SLC25A13: variants seen among roughly 807,000 people sequenced by gnomAD.
The protein encoded by SLC25A13 is solute carrier family 25 member 13.
Under a neutral mutation model 85.5 loss-of-function variants are expected in SLC25A13, and 70 were observed. The ratio of observed to expected loss-of-function variants is 0.82; its 90% confidence interval spans 0.68 to 1.00. The LOEUF (loss-of-function observed/expected upper bound fraction) is 1.00. Ranked by LOEUF, SLC25A13 falls within the 50% of genes least tolerant of loss-of-function variation. The pLI is 0.00. For missense variants in SLC25A13, 765 were observed against 819.8 expected (o/e 0.93, Z 0.82); for synonymous variants, 259 against 288.7 (o/e 0.90, Z 1.04).
intron 3 of SLC25A13, among the ~76,000 whole-genome samples, chr7:96,275,198 T>A (rs1448833339): frequency 5.9e-5 from 9 of 152,082 alleles, no homozygotes; most frequent in African/African-American, 2.2e-4. Flanking sequence ...GGTTTGTAGT[T>A]CAGTTAGAAT....
At chr7:96,294,850 A>C (rs1799288011) in intron 2 of SLC25A13, among the ~76,000 whole-genome samples, 1 of 151,966 alleles carries the variant, frequency 6.6e-6, no homozygotes, top group Non-Finnish European at 1.5e-5. Flanking sequence ...GTATAATCTA[A>C]ATCTCCTTAC....
chr7:96,184,615 G>T (rs1794552628), intron 10 of SLC25A13, 180 bp from the exon 11 acceptor site: 2 of 668,634 alleles, frequency 3.0e-6, no homozygotes, highest in Non-Finnish European at 5.1e-6. Context: ...TTTCATTCAA[G>T]TATCCCCTAA....
At chr7:96,157,046 A>T (rs536400564) in intron 13 of SLC25A13, among the ~76,000 whole-genome samples, 6 of 152,154 alleles carry the variant, frequency 3.9e-5, no homozygotes, top group Non-Finnish European at 8.8e-5. Flanking sequence ...TGGCTGCTGT[A>T]ATTTGTATCG....
Position 96,208,993 on chromosome 7 carries a change from A to G in SLC25A13, c.329-16T>C, listed in dbSNP as rs1320932355. 6.2e-7 allele frequency: 1 copy of G among 1,613,604 alleles called. No homozygotes were observed. Among genetic ancestry groups the G allele is most frequent in the Admixed American group, 1.7e-5 (1 of 60,016 alleles). Reference sequence around the variant, plus strand: ...TTAACATCCTCTGAAAAGAGAAAAGACAGGTTGATTAAAACAAAGTAAATG... The same window carrying G: ...TTAACATCCTCTGAAAAGAGAAAAGGCAGGTTGATTAAAACAAAGTAAATG... On this transcript the variant is annotated splice_polypyrimidine_tract_variant and intron_variant, in intron 4 of 17. Transcript: ENST00000265631.
At chr7:96,282,775 TTACTA>T (rs1371445811) in intron 2 of SLC25A13, among the ~76,000 whole-genome samples, 1 of 152,204 alleles carries the variant, frequency 6.6e-6, no homozygotes, top group African/African-American at 2.4e-5. Context: ...ATGTGGGTGT[TTACTA>T]TTCTATTTTC....
intron 14 of SLC25A13, among the ~76,000 whole-genome samples, chr7:96,140,270 T>C (rs1792476691): frequency 1.3e-5 from 2 of 152,108 alleles, no homozygotes; most frequent in East Asian, 1.9e-4. Flanking sequence ...ATTTCCATTC[T>C]TTTGGATGTA....
At chr7:96,228,047 A>G (rs1201605465) in intron 4 of SLC25A13, among the ~76,000 whole-genome samples, 1 of 152,112 alleles carries the variant, frequency 6.6e-6, no homozygotes, top group African/African-American at 2.4e-5. Context: ...TATTTTTACT[A>G]AAGACAGGGT....
chr7:96,281,501 A>C (rs1463645552), intron 2 of SLC25A13, among the ~76,000 whole-genome samples: 1 of 152,142 alleles, frequency 6.6e-6, no homozygotes, highest in Non-Finnish European at 1.5e-5. Flanking sequence ...AATTCCATTC[A>C]CGCAAAGTGA....
At chr7:96,147,594 T>C (rs143650116) in intron 13 of SLC25A13, among the ~76,000 whole-genome samples, 124 of 152,348 alleles carry the variant, frequency 8.1e-4, no homozygotes, top group African/African-American at 2.8e-3. Context: ...GTCACACATA[T>C]ATGAAATTTT....
At chr7:96,311,434 C>T (rs1158667367) in intron 1 of SLC25A13, among the ~76,000 whole-genome samples, 1 of 152,066 alleles carries the variant, frequency 6.6e-6, no homozygotes, top group Non-Finnish European at 1.5e-5. Context: ...AATACTGAGG[C>T]CAAGCAACAC....
Position 96,146,552 on chromosome 7 carries a change from T to C in SLC25A13, c.1452+4A>G. 4 of 1,594,430 alleles carry C rather than the reference T, an allele frequency of 2.5e-6. No individual in the cohort carries two copies. The highest frequency in any genetic ancestry group is 1.8e-5 in the Admixed American group (1 of 55,038). On this transcript the variant is annotated splice_donor_region_variant and intron_variant, in intron 14 of 17. Transcript: ENST00000265631. ...ATAAATGACTAAAAAAAAAAAAAAG[T>C]TACCTTGTAGATCCCAAAAAACCCC... is the stretch of plus-strand genomic sequence containing the variant.
intron 1 of SLC25A13, among the ~76,000 whole-genome samples, chr7:96,321,394 CTT>C (rs1374131545): frequency 6.6e-6 from 1 of 152,144 alleles, no homozygotes; most frequent in Admixed American, 6.5e-5. Flanking sequence ...AGTCCCTGGA[CTT>C]TTTATTCACA....
chr7:96,127,647 C>A (rs1349379392), intron 15 of SLC25A13, among the ~76,000 whole-genome samples: 1 of 152,014 alleles, frequency 6.6e-6, no homozygotes, highest in Admixed American at 6.6e-5. Context: ...AATCACAGGT[C>A]CATATTATTT....
At chr7:96,275,943 A>G (rs1798433389) in intron 3 of SLC25A13, among the ~76,000 whole-genome samples, 1 of 152,224 alleles carries the variant, frequency 6.6e-6, no homozygotes, top group Admixed American at 6.5e-5. Flanking sequence ...GTGAAAACTG[A>G]GAGTATTCGA....
chr7:96,121,113 G>T lies in SLC25A13; in HGVS notation c.*78C>A. 1 of 1,461,988 alleles carries T rather than the reference G, an allele frequency of 6.8e-7. No homozygotes were observed. Among genetic ancestry groups the T allele is most frequent in the Non-Finnish European group, 9.6e-7 (1 of 1,042,508 alleles). The allele number at this position is 1,461,988 out of a possible 1,614,324, so 90.6% of individuals were successfully genotyped here. On this transcript the variant is annotated 3_prime_UTR_variant, in exon 18 of 18. Coordinates refer to ENST00000265631, the MANE Select transcript of SLC25A13 (RefSeq NM_014251.3). ...AAGAGATGGACGTAAAAGGGATGAA[G>T]CATTGCTTCATTCCCAGGAGGGATG...
intron 2 of SLC25A13, among the ~76,000 whole-genome samples, chr7:96,295,455 C>A (rs948579469): frequency 3.9e-5 from 6 of 152,184 alleles, no homozygotes; most frequent in African/African-American, 1.4e-4. Context: ...TATCATCATA[C>A]TGCCTACTCA....
At chr7:96,278,800 G>A (rs1374185468) in intron 2 of SLC25A13, among the ~76,000 whole-genome samples, 1 of 151,942 alleles carries the variant, frequency 6.6e-6, no homozygotes, top group African/African-American at 2.4e-5. Context: ...CATTTAATTC[G>A]GCTTTTTGGA....
At chr7:96,294,244 C>T (rs1156922332) in intron 2 of SLC25A13, among the ~76,000 whole-genome samples, 1 of 146,212 alleles carries the variant, frequency 6.8e-6, no homozygotes, top group Non-Finnish European at 1.5e-5. Flanking sequence ...AACACTTGGA[C>T]ACAGGAAGGG....
chr7:96,148,811 G>A (rs145772828), intron 13 of SLC25A13, among the ~76,000 whole-genome samples: 16 of 152,292 alleles, frequency 1.1e-4, no homozygotes, highest in African/African-American at 3.8e-4. Context: ...AGCAGGGAAG[G>A]AGGCAGTTGA....
Sources: gnomAD v4.1 joint callset for allele counts (sites outside exome capture counted in the v4.1 genomes callset) on GRCh38, gnomAD v4.1.1 for gene constraint, MANE v1.5 for transcripts, NCBI Gene and HGNC (gene_info 2026-07-23, HGNC 2026-07-21) for gene names.